DHX57: variants seen among roughly 807,000 people sequenced by gnomAD.
DHX57 encodes putative ATP-dependent RNA helicase DHX57.
In DHX57, 105 loss-of-function variants were observed where a neutral mutation model predicts 156.2. The ratio of observed to expected loss-of-function variants is 0.67; its 90% confidence interval spans 0.57 to 0.79. The LOEUF is 0.79. Ranked by LOEUF, DHX57 falls within the 30% of genes least tolerant of loss-of-function variation. DHX57 has a pLI of 0.00. For missense variants in DHX57, 1,847 were observed against 1,661.9 expected, an observed-to-expected ratio of 1.11 and a Z score of -1.94; for synonymous variants, 704 against 595.6, an observed-to-expected ratio of 1.18 and a Z score of -2.65.
At chr2:38,798,610 G>A (rs1669506463) in intron 23 of DHX57, among the ~76,000 whole-genome samples, 168 bp from the exon 24 acceptor site, 1 of 152,186 alleles carries the variant, frequency 6.6e-6, no homozygotes, top group Admixed American at 6.5e-5. Context: ...TAGACTAAAT[G>A]AGGTCCATTG....
intron 21 of DHX57, chr2:38,811,652 C>T: frequency 7.9e-7 from 1 of 1,262,404 alleles, no homozygotes; most frequent in South Asian, 1.2e-5. Flanking sequence ...CTTTGCTGAA[C>T]ATAGCATCTG....
At chr2:38,811,611 A>G (rs1670251982) in intron 21 of DHX57, 14 of 1,374,082 alleles carry the variant, frequency 1.0e-5, no homozygotes, top group African/African-American at 1.4e-5. Context: ...GGAGGTGTCC[A>G]GGCCGGCACT....
At chr2:38,836,286 C>G (rs564568862) in intron 13 of DHX57, among the ~76,000 whole-genome samples, 27 of 152,164 alleles carry the variant, frequency 1.8e-4, no homozygotes, top group African/African-American at 6.5e-4. Flanking sequence ...CCTTCCACTT[C>G]TTCCACCTCT....
At chr2:38,863,969 G>T (rs1052459217) in intron 2 of DHX57, among the ~76,000 whole-genome samples, 1 of 151,792 alleles carries the variant, frequency 6.6e-6, no homozygotes, top group African/African-American at 2.4e-5. Context: ...CCAAGATTGT[G>T]CCACTGCACT....
At chr2:38,840,946 G>A (rs1671960307) in intron 12 of DHX57, among the ~76,000 whole-genome samples, 1 of 152,036 alleles carries the variant, frequency 6.6e-6, no homozygotes, top group African/African-American at 2.4e-5. Flanking sequence ...AGCCTCCTGA[G>A]TAGCTGGGAC....
rs747694353 is a variant in DHX57 at position 38,861,214 on chromosome 2, G to C, written c.1196C>G (p.Thr399Arg). 2 of 1,614,134 alleles carry C rather than the reference G, an allele frequency of 1.2e-6. No homozygotes were observed. Among genetic ancestry groups the C allele is most frequent in the East Asian group, 2.2e-5 (1 of 44,880 alleles). ...GACAGGTTCCGAAGTTTCCGCAAAT[G>C]TCAAGGCCTTGTCATAAAGAAACTC... ...ISEFLYDKAL[T>R]FAETSEPVVY... The change falls in exon 5 of 24, where the codon ACA becomes AGA. Residue 399 changes from threonine (T) to arginine (R), a missense_variant. By Grantham distance (71) the Thr-to-Arg change is moderately conservative. Coordinates refer to ENST00000457308, the MANE Select transcript of DHX57 (RefSeq NM_198963.3).
chr2:38,820,129 A>G (rs183113417), intron 17 of DHX57, among the ~76,000 whole-genome samples: 44 of 152,344 alleles, frequency 2.9e-4, no homozygotes, highest in African/African-American at 9.9e-4. Context: ...TAATTTTTGT[A>G]TATTTAAATA....
chr2:38,843,429 A>G (rs1467012571), intron 11 of DHX57, among the ~76,000 whole-genome samples: 1 of 152,214 alleles, frequency 6.6e-6, no homozygotes, highest in Non-Finnish European at 1.5e-5. Flanking sequence ...AAGAATTTGG[A>G]GAAAAGCTCT....
chr2:38,813,910 C>T lies in DHX57; in HGVS notation c.3607-15G>A. ...TTTGAGTTTGCCTATGAGAAAAGCACAGCATTAATTAACAAGTGATATGGC... is the reference window on the plus strand; with the variant it reads ...TTTGAGTTTGCCTATGAGAAAAGCATAGCATTAATTAACAAGTGATATGGC... On this transcript the variant is annotated splice_polypyrimidine_tract_variant and intron_variant, in intron 20 of 23. Coordinates refer to ENST00000457308, the MANE Select transcript of DHX57 (RefSeq NM_198963.3). The T allele has an allele frequency of 9.3e-6, 15 of 1,611,466 alleles. No homozygotes were observed. The highest frequency in any genetic ancestry group is 1.2e-5 in the Non-Finnish European group (14 of 1,178,218).
intron 12 of DHX57, among the ~76,000 whole-genome samples, chr2:38,841,893 A>G (rs895148681): frequency 3.3e-5 from 5 of 152,234 alleles, no homozygotes; most frequent in Non-Finnish European, 7.3e-5. Flanking sequence ...AGCTCAGCAC[A>G]GGGTAGGCCT....
intron 22 of DHX57, among the ~76,000 whole-genome samples, chr2:38,805,004 C>T (rs1282754442): frequency 6.6e-6 from 1 of 152,196 alleles, no homozygotes; most frequent in Non-Finnish European, 1.5e-5. Context: ...CTGTGTCCAT[C>T]TAGTTTCTTC....
intron 16 of DHX57, among the ~76,000 whole-genome samples, chr2:38,823,653 A>T (rs925224204): frequency 1.3e-5 from 2 of 152,172 alleles, no homozygotes; most frequent in Non-Finnish European, 2.9e-5. Context: ...AAAACTAAAA[A>T]TAGAACTACC....
At chr2:38,838,799 T>C in intron 12 of DHX57, 1 of 456,554 alleles carries the variant, frequency 2.2e-6, no homozygotes, top group Non-Finnish European at 4.4e-6. Context: ...GATTGTAATA[T>C]CTTCATTAAC....
chr2:38,800,686 G>A, intron 23 of DHX57, among the ~76,000 whole-genome samples: 1 of 152,098 alleles, frequency 6.6e-6, no homozygotes, highest in East Asian at 1.9e-4. Flanking sequence ...TCTTCTTCTG[G>A]ACCATATGCT....
chr2:38,842,547 A>G (rs1672064358), intron 12 of DHX57, among the ~76,000 whole-genome samples: 1 of 152,126 alleles, frequency 6.6e-6, no homozygotes, highest in South Asian at 2.1e-4. Context: ...CATATCTGTA[A>G]CTTACTCTCA....
At chr2:38,845,981 T>G (rs993922645) in intron 11 of DHX57, among the ~76,000 whole-genome samples, 2 of 151,608 alleles carry the variant, frequency 1.3e-5, no homozygotes, top group Non-Finnish European at 2.9e-5. Flanking sequence ...TTCTCCTGCC[T>G]CAGCCTCCAG....
At chr2:38,846,616 C>CAA (rs11377588) in intron 11 of DHX57, among the ~76,000 whole-genome samples, 241 of 113,762 alleles carry the variant, frequency 2.1e-3, no homozygotes, top group African/African-American at 5.4e-3. Flanking sequence ...GACTCTATCT[C>CAA]AAAAAAAAAA....
chr2:38,866,411 T>G, intron 2 of DHX57, among the ~76,000 whole-genome samples: 1 of 152,226 alleles, frequency 6.6e-6, no homozygotes, highest in Admixed American at 6.5e-5. Flanking sequence ...CTTCACAGCT[T>G]ATTCCTTTAC....
chr2:38,873,115 G>A (rs1638489538), intron 1 of DHX57, among the ~76,000 whole-genome samples: 2 of 152,008 alleles, frequency 1.3e-5, no homozygotes, highest in Non-Finnish European at 1.5e-5. Context: ...AGCCTCCCGA[G>A]TAGCTGGGAC....
Sources: gnomAD v4.1 joint callset for allele counts (sites outside exome capture counted in the v4.1 genomes callset) on GRCh38, gnomAD v4.1.1 for gene constraint, MANE v1.5 for transcripts, NCBI Gene and HGNC (gene_info 2026-07-23, HGNC 2026-07-21) for gene names.